The following AGBL1 variants were observed in gnomAD, a reference collection of about 807,000 sequenced individuals.
AGBL1 encodes the protein cytosolic carboxypeptidase 4.
Under a neutral mutation model 118.9 loss-of-function variants are expected in AGBL1, and 130 were observed. The observed-to-expected ratio is 1.09, with a 90% CI of 0.95 to 1.26. The LOEUF is 1.26. Ranked by LOEUF, AGBL1 falls within the 50% of genes most tolerant of loss-of-function variation. The pLI is 0.00. For missense variants in AGBL1, 1,584 were observed against 1,298.1 expected, an observed-to-expected ratio of 1.22 and a Z score of -3.38; for synonymous variants, 555 against 478.9, an observed-to-expected ratio of 1.16 and a Z score of -2.08.
At chr15:86,934,832 C>T (rs2080647501) in intron 23 of AGBL1, among the ~76,000 whole-genome samples, 1 of 152,034 alleles carries the variant, frequency 6.6e-6, no homozygotes, top group Non-Finnish European at 1.5e-5. Context: ...CCATGGGCTG[C>T]CAAAATAACC....
At chr15:86,277,581 T>C (rs1471202202) in intron 15 of AGBL1, among the ~76,000 whole-genome samples, 1 of 152,192 alleles carries the variant, frequency 6.6e-6, no homozygotes, top group Non-Finnish European at 1.5e-5. Context: ...CTGTCTCCTG[T>C]GGTTGAATGT....
At chr15:86,960,321 T>C (rs967999635) in intron 23 of AGBL1, among the ~76,000 whole-genome samples, 1 of 152,084 alleles carries the variant, frequency 6.6e-6, no homozygotes, top group African/African-American at 2.4e-5. Context: ...GTACAACTTA[T>C]GCTCATATCT....
chr15:86,638,564 C>A (rs929684869), intron 21 of AGBL1, among the ~76,000 whole-genome samples: 1 of 152,064 alleles, frequency 6.6e-6, no homozygotes, highest in Non-Finnish European at 1.5e-5. Flanking sequence ...CAGCATTCTC[C>A]TTTATCTCCA....
At chr15:86,605,223 C>G (rs2084558311) in intron 21 of AGBL1, among the ~76,000 whole-genome samples, 1 of 152,044 alleles carries the variant, frequency 6.6e-6, no homozygotes, top group African/African-American at 2.4e-5. Context: ...ATTCCTTCAG[C>G]TTTTATCAAC....
chr15:86,779,643 A>T (rs1166928294), intron 22 of AGBL1, among the ~76,000 whole-genome samples: 1 of 152,162 alleles, frequency 6.6e-6, no homozygotes, highest in South Asian at 2.1e-4. Context: ...AATTTTTAGC[A>T]TTGTATGGAG....
chr15:86,554,278 A>G, intron 20 of AGBL1, 83 bp from the exon 21 acceptor site: 2 of 1,191,324 alleles, frequency 1.7e-6, no homozygotes, highest in East Asian at 5.4e-5. Flanking sequence ...ATAGATGCTT[A>G]ACAATGTTGA....
At chr15:87,008,718 A>G (rs1328523318) in intron 24 of AGBL1, among the ~76,000 whole-genome samples, 2 of 152,180 alleles carry the variant, frequency 1.3e-5, no homozygotes, top group African/African-American at 4.8e-5. Flanking sequence ...ATGGACAATG[A>G]AATCCAGGCT....
chr15:86,534,691 A>G (rs1172531278), intron 19 of AGBL1, among the ~76,000 whole-genome samples: 1 of 152,222 alleles, frequency 6.6e-6, no homozygotes. Context: ...TTCAGTAACT[A>G]AAACCAAAAC....
At chr15:86,916,647 GC>G (rs1373041873), downstream of AGBL1, among the ~76,000 whole-genome samples, 1 of 152,192 alleles carries the variant, frequency 6.6e-6, no homozygotes, top group Non-Finnish European at 1.5e-5. Context: ...ATGGCTTTGG[GC>G]TGACCCTTTC....
At chr15:86,870,502 AACAAAC>A (rs2079710942) in intron 22 of AGBL1, among the ~76,000 whole-genome samples, 1 of 137,344 alleles carries the variant, frequency 7.3e-6, no homozygotes, top group South Asian at 2.3e-4. Context: ...AAAAAGAAGA[AACAAAC>A]ACAGCAAAAG....
intron 22 of AGBL1, among the ~76,000 whole-genome samples, chr15:86,849,171 G>A (rs142725822): frequency 1.3e-5 from 2 of 152,302 alleles, no homozygotes; most frequent in Admixed American, 6.5e-5. Context: ...ATTGAGAAAA[G>A]ATTGGTGCTG....
intron 5 of AGBL1, among the ~76,000 whole-genome samples, chr15:86,202,801 A>G (rs923806789): frequency 6.6e-6 from 1 of 152,198 alleles, no homozygotes; most frequent in African/African-American, 2.4e-5. Flanking sequence ...TAAGAACTGT[A>G]GTGGCTTATC....
In AGBL1 at chr15:86,713,439, T is replaced by C. The variant is rs76658308; in HGVS notation, c.3158+39003T>C. Among the ~76,000 whole-genome samples, 431 of 152,304 alleles carry C rather than the reference T, an allele frequency of 2.8e-3. 14 individuals carry two copies. The East Asian group carries it at 0.062, about 22-fold the overall frequency. The stretch of plus-strand genomic sequence containing the variant: ...AATTAATTATGGCTATGGAAGTGCA[T>C]TGCTTTAAACATAATCCCACTCTTG... On this transcript the variant is annotated intron_variant, in intron 22 of 22. Coordinates refer to ENST00000614907, the MANE Select transcript of AGBL1 (RefSeq NM_001386094.1).
At chr15:86,186,333 C>A (rs755638067) in intron 5 of AGBL1, among the ~76,000 whole-genome samples, 2 of 152,144 alleles carry the variant, frequency 1.3e-5, no homozygotes, top group East Asian at 3.9e-4. Flanking sequence ...GTGTAACAAA[C>A]CTGCATATCT....
intron 5 of AGBL1, among the ~76,000 whole-genome samples, chr15:86,178,052 A>G (rs1049178863): frequency 1.4e-4 from 21 of 152,206 alleles, no homozygotes; most frequent in Non-Finnish European, 2.8e-4. Flanking sequence ...GGTGGTTCAC[A>G]CCTGTAATCC....
chr15:86,573,918 A>G (rs563154614), intron 21 of AGBL1, among the ~76,000 whole-genome samples: 63 of 152,368 alleles, frequency 4.1e-4, no homozygotes, highest in African/African-American at 1.5e-3. Flanking sequence ...TCCTGAAAAC[A>G]ACAAAAATCA....
chr15:86,405,224 A>T (rs1286617764), intron 18 of AGBL1, among the ~76,000 whole-genome samples: 2 of 152,156 alleles, frequency 1.3e-5, no homozygotes, highest in African/African-American at 4.8e-5. Flanking sequence ...GAAAGTGCCT[A>T]TGCCTGGCCG....
At chr15:86,362,639 T>C (rs761646608) in intron 17 of AGBL1, among the ~76,000 whole-genome samples, 97 of 152,010 alleles carry the variant, frequency 6.4e-4, no homozygotes, top group Non-Finnish European at 1.1e-3. Flanking sequence ...TCTGCTTAAG[T>C]CTCCATAGCT....
At chr15:86,703,617 G>A (rs910981990) in intron 22 of AGBL1, among the ~76,000 whole-genome samples, 1 of 152,082 alleles carries the variant, frequency 6.6e-6, no homozygotes, top group African/African-American at 2.4e-5. Flanking sequence ...CCTGTGGAAG[G>A]ACCTGGTGGG....
Sources: gnomAD v4.1 joint callset for allele counts (sites outside exome capture counted in the v4.1 genomes callset) on GRCh38, gnomAD v4.1.1 for gene constraint, MANE v1.5 for transcripts, NCBI Gene and HGNC (gene_info 2026-07-23, HGNC 2026-07-21) for gene names.